DLGAP2: variants seen among roughly 807,000 people sequenced by gnomAD.
DLGAP2 encodes disks large-associated protein 2.
DLGAP2 carries 26 observed loss-of-function variants against 100.3 expected under a neutral mutation model. The observed-to-expected ratio is 0.26, with a 90% CI of 0.19 to 0.36. The LOEUF (loss-of-function observed/expected upper bound fraction) is 0.36. Ranked by LOEUF, DLGAP2 falls within the 10% of genes least tolerant of loss-of-function variation. The probability of loss-of-function intolerance (pLI) is 1.00; values close to 1 mark genes in which losing one functional copy is unlikely to be tolerated. For missense variants in DLGAP2, 1,858 were observed against 1,453.2 expected (o/e 1.28, Z -4.53); for synonymous variants, 886 against 630.1 (o/e 1.41, Z -6.08).
chr8:1,116,575 T>C (rs2129046774), intron 2 of DLGAP2, among the ~76,000 whole-genome samples: 1 of 152,272 alleles, frequency 6.6e-6, no homozygotes, highest in African/African-American at 2.4e-5. Context: ...GTGAGTGAAT[T>C]GCCTGACCCC....
At chr8:1,032,053 T>C (rs1801989868) in intron 2 of DLGAP2, among the ~76,000 whole-genome samples, 1 of 152,210 alleles carries the variant, frequency 6.6e-6, no homozygotes, top group South Asian at 2.1e-4. Flanking sequence ...CCATCCGGCT[T>C]ATGATTCAAG....
chr8:1,417,099 G>A (rs866157326), intron 3 of DLGAP2, among the ~76,000 whole-genome samples: 1 of 75,270 alleles, frequency 1.3e-5, no homozygotes, highest in African/African-American at 7.4e-5. Context: ...GGGGATGGGG[G>A]GGTGGGGGGG....
At chr8:1,291,990 T>C (rs146938331) in intron 3 of DLGAP2, among the ~76,000 whole-genome samples, 1 of 152,288 alleles carries the variant, frequency 6.6e-6, no homozygotes, top group East Asian at 1.9e-4. Flanking sequence ...AGGCTTTCAA[T>C]AAAGATGTGG....
chr8:1,258,952 G>C, intron 3 of DLGAP2, 69 bp downstream of exon 3: 1 of 1,190,308 alleles, frequency 8.4e-7, no homozygotes, highest in Non-Finnish European at 1.1e-6. Context: ...GCTGGCAACA[G>C]TCTACCATGA....
chr8:1,070,907 G>C (rs749099496), intron 2 of DLGAP2, among the ~76,000 whole-genome samples: 11 of 152,206 alleles, frequency 7.2e-5, no homozygotes, highest in Non-Finnish European at 1.3e-4. Flanking sequence ...GAGCACCGTT[G>C]GCTCCAGGAT....
chr8:1,622,458 T>G (rs964477055), intron 6 of DLGAP2: 12 of 152,296 alleles, frequency 7.9e-5, no homozygotes, highest in African/African-American at 2.9e-4. Context: ...GTACCCTTTG[T>G]TATGTATATT....
intron 8 of DLGAP2, among the ~76,000 whole-genome samples, chr8:1,648,574 C>G (rs1798094742): frequency 6.6e-6 from 1 of 152,128 alleles, no homozygotes; most frequent in South Asian, 2.1e-4. Flanking sequence ...TCCCCTCCGG[C>G]TGTTATGAGA....
At position 989,042 on chromosome 8, in the gene DLGAP2, C is replaced by G. The variant is rs551491579; in HGVS notation, c.73+81076C>G. 5.3e-5 allele frequency among the ~76,000 whole-genome samples: 8 copies of G among 152,312 alleles called. No individual in the cohort carries two copies. The South Asian group carries it at 1.7e-3, about 32-fold the overall frequency. ...GACCTTGTCTCTGCTGTCGAGGGCT[C>G]TCCAGGTTGGCCAGGAGACTGTTTT... On this transcript the variant is annotated intron_variant, in intron 2 of 14. Coordinates refer to ENST00000637795, the MANE Select transcript of DLGAP2 (RefSeq NM_001346810.2).
intron 1 of DLGAP2, among the ~76,000 whole-genome samples, chr8:744,134 G>A (rs1489861575): frequency 2.6e-5 from 4 of 152,150 alleles, no homozygotes; most frequent in South Asian, 4.1e-4. Flanking sequence ...CAGACCCAGC[G>A]CCGCTTCCCT....
chr8:1,452,900 A>G (rs1294598893), intron 3 of DLGAP2, among the ~76,000 whole-genome samples: 2 of 152,160 alleles, frequency 1.3e-5, no homozygotes, highest in African/African-American at 2.4e-5. Flanking sequence ...GGCCAGGTCT[A>G]TTACGAAGGC....
intron 7 of DLGAP2, 75 bp from the exon 8 acceptor site, chr8:1,632,752 G>A (rs1383363340): frequency 2.7e-5 from 39 of 1,430,436 alleles, no homozygotes; most frequent in East Asian, 4.9e-5. Context: ...GAATGAGCGC[G>A]CTCTCCTGGC....
chr8:1,327,777 G>C (rs1356985647), intron 3 of DLGAP2, among the ~76,000 whole-genome samples: 1 of 152,206 alleles, frequency 6.6e-6, no homozygotes, highest in Non-Finnish European at 1.5e-5. Flanking sequence ...CCAGGAGGGG[G>C]AGCTTGCAAT....
At chr8:1,519,812 C>G (rs1024895821) in intron 4 of DLGAP2, among the ~76,000 whole-genome samples, 5 of 152,262 alleles carry the variant, frequency 3.3e-5, no homozygotes, top group Admixed American at 2.6e-4. Flanking sequence ...GGGTTTTGTG[C>G]TCAGCAGGTG....
At chr8:1,376,362 C>T (rs527406692) in intron 3 of DLGAP2, among the ~76,000 whole-genome samples, 103 of 152,360 alleles carry the variant, frequency 6.8e-4, no homozygotes, top group Non-Finnish European at 1.3e-3. Flanking sequence ...TAGAGAGCAT[C>T]GGCCACGGGG....
intron 1 of DLGAP2, among the ~76,000 whole-genome samples, chr8:823,379 A>G (rs1796624745): frequency 6.6e-6 from 1 of 152,106 alleles, no homozygotes; most frequent in South Asian, 2.1e-4. Flanking sequence ...GACAGTTCAC[A>G]GTACGCTTGT....
chr8:1,599,174 G>A (rs1297184357), intron 6 of DLGAP2, among the ~76,000 whole-genome samples: 1 of 152,192 alleles, frequency 6.6e-6, no homozygotes, highest in Non-Finnish European at 1.5e-5. Context: ...TAGTTGTGCA[G>A]TTTTGAGTGA....
chr8:1,417,167 G>GA (rs150473822), intron 3 of DLGAP2, among the ~76,000 whole-genome samples: 4,539 of 84,920 alleles, frequency 0.053, 228 homozygotes, highest in East Asian at 0.082. Flanking sequence ...TGAAGGGGAA[G>GA]CCCCCGTTCA....
intron 2 of DLGAP2, among the ~76,000 whole-genome samples, chr8:1,218,017 T>A (rs1410654219): frequency 6.6e-6 from 1 of 152,200 alleles, no homozygotes; most frequent in Non-Finnish European, 1.5e-5. Flanking sequence ...AAGGGTAGAT[T>A]TGCAGATATT....
intron 12 of DLGAP2, among the ~76,000 whole-genome samples, chr8:1,688,784 C>A (rs747884825): frequency 1.1e-4 from 16 of 152,156 alleles, no homozygotes; most frequent in African/African-American, 3.9e-4. Flanking sequence ...ATTGCCAGAC[C>A]TTCATGTTCT....
Sources: gnomAD v4.1 joint callset for allele counts (sites outside exome capture counted in the v4.1 genomes callset) on GRCh38, gnomAD v4.1.1 for gene constraint, MANE v1.5 for transcripts, NCBI Gene and HGNC (gene_info 2026-07-23, HGNC 2026-07-21) for gene names.